TSPAN5: variants seen among roughly 807,000 people sequenced by gnomAD.
TSPAN5 encodes the protein tetraspanin-5.
In TSPAN5, 10 loss-of-function variants were observed where a neutral mutation model predicts 37.1. That is an observed-to-expected ratio of 0.27 (90% CI 0.17 to 0.46). TSPAN5 has a LOEUF of 0.46. Among genes scored for constraint, TSPAN5 ranks in the 20% least tolerant of loss-of-function variants. The probability of loss-of-function intolerance (pLI) is 1.00; values close to 1 mark genes in which losing one functional copy is unlikely to be tolerated. For synonymous variants in TSPAN5, 110 were observed against 118.9 expected, an observed-to-expected ratio of 0.93 and a Z score of 0.48; for missense variants, 195 against 326.6, an observed-to-expected ratio of 0.60 and a Z score of 3.11.
chr4:98,484,516 C>G, intron 3 of TSPAN5: 1 of 456,108 alleles, frequency 2.2e-6, no homozygotes, highest in Admixed American at 2.4e-5. Flanking sequence ...TCTTCATTTC[C>G]AACATGAGAC....
chr4:98,649,856 T>C (rs915405780), intron 1 of TSPAN5, among the ~76,000 whole-genome samples: 11 of 152,152 alleles, frequency 7.2e-5, no homozygotes, highest in African/African-American at 2.7e-4. Flanking sequence ...GCTGCATTAA[T>C]AGAGGTGTGT....
rs566229419 is a variant in TSPAN5 at position 98,655,781 on chromosome 4, C to G, written c.81+2365G>C. ...GCTTTTCAGTCACTAACATCTTAGTCTGAATTACTTTAACCAAAACCATAT... is the reference window on the plus strand; with the variant it reads ...GCTTTTCAGTCACTAACATCTTAGTGTGAATTACTTTAACCAAAACCATAT... On this transcript the variant is annotated intron_variant, in intron 1 of 7. Coordinates refer to ENST00000305798, the MANE Select transcript of TSPAN5 (RefSeq NM_005723.4). Among the ~76,000 whole-genome samples the G allele has an allele frequency of 2.6e-5, 4 of 152,308 alleles. No homozygotes were observed. The South Asian group carries it at 8.3e-4, about 32-fold the overall frequency.
In TSPAN5 at chr4:98,478,732, G is replaced by C; in HGVS notation, c.529C>G (p.Arg177Gly). 1 of 1,614,066 alleles carries C rather than the reference G, an allele frequency of 6.2e-7. No individual in the cohort carries two copies. The highest frequency in any genetic ancestry group is 8.5e-7 in the Non-Finnish European group (1 of 1,180,024). The part of the protein sequence containing the change: ...YFNCTDSNAS[R>G]ERCGVPFSCC... ...GAGAATGGAACGCCACATCGCTCTC[G>C]ACTTGCATTGGAATCTGTGCAATTG... Residue 177 changes from arginine (R) to glycine (G), a missense_variant, in exon 5 of 8, where the codon CGA becomes GGA. Arg to Gly is a moderately radical substitution (Grantham distance 125, BLOSUM62 -2). Transcript: ENST00000305798.
At chr4:98,516,184 G>C (rs964811900) in intron 1 of TSPAN5, among the ~76,000 whole-genome samples, 3 of 152,150 alleles carry the variant, frequency 2.0e-5, no homozygotes, top group Admixed American at 2.0e-4. Flanking sequence ...GCTCCTGTAC[G>C]CATATTTGTG....
At chr4:98,625,914 C>T (rs190909173) in intron 1 of TSPAN5, among the ~76,000 whole-genome samples, 2 of 152,180 alleles carry the variant, frequency 1.3e-5, no homozygotes, top group East Asian at 1.9e-4. Flanking sequence ...TATACTACCA[C>T]ATATTTTTAA....
chr4:98,487,920 G>A (rs2110265837), intron 2 of TSPAN5, among the ~76,000 whole-genome samples: 1 of 152,040 alleles, frequency 6.6e-6, no homozygotes, highest in South Asian at 2.1e-4. Flanking sequence ...TTGAAACTGT[G>A]GATGTGCATG....
chr4:98,537,288 ACCCT>A (rs1754258366), intron 1 of TSPAN5, among the ~76,000 whole-genome samples: 1 of 151,924 alleles, frequency 6.6e-6, no homozygotes, highest in African/African-American at 2.4e-5. Flanking sequence ...GTGACGCCCC[ACCCT>A]GCTTCGGCTT....
rs775941848 is a variant in TSPAN5 at position 98,476,478 on chromosome 4, G to A, written c.577-18C>T. 6.2e-7 allele frequency: 1 copy of A among 1,613,858 alleles called. No homozygotes were observed. Among genetic ancestry groups the A allele is most frequent in the South Asian group, 1.1e-5 (1 of 91,012 alleles). Reference sequence around the variant, plus strand: ...ACATCTTCCTGGTGAAGAAAGGAAAGAGAAAAGTGAAATTTACTCATTAGA... The same window carrying A: ...ACATCTTCCTGGTGAAGAAAGGAAAAAGAAAAGTGAAATTTACTCATTAGA... On this transcript the variant is annotated intron_variant, in intron 5 of 7. Transcript: ENST00000305798.
At chr4:98,495,531 CAAAAAAA>C (rs10555303) in intron 2 of TSPAN5, among the ~76,000 whole-genome samples, 4 of 130,930 alleles carry the variant, frequency 3.1e-5, no homozygotes, top group Non-Finnish European at 3.3e-5. Context: ...GCCTCCGTCT[CAAAAAAA>C]AAAAAAAAAA....
At chr4:98,606,897 T>C (rs541312694) in intron 1 of TSPAN5, among the ~76,000 whole-genome samples, 5 of 152,284 alleles carry the variant, frequency 3.3e-5, no homozygotes, top group South Asian at 2.1e-4. Context: ...AAGTAAATTA[T>C]GTGCAAGAAG....
At chr4:98,641,511 G>A (rs996291653) in intron 1 of TSPAN5, among the ~76,000 whole-genome samples, 6 of 151,526 alleles carry the variant, frequency 4.0e-5, no homozygotes, top group Admixed American at 2.6e-4. Flanking sequence ...AAGCATGAGA[G>A]TAATGCATAA....
intron 2 of TSPAN5, among the ~76,000 whole-genome samples, chr4:98,487,238 G>GA (rs11318498): frequency 5.6e-4 from 73 of 130,382 alleles, no homozygotes; most frequent in Middle Eastern, 8.2e-3. Context: ...TATATGTAGA[G>GA]AAAAAAAAAA....
chr4:98,574,645 T>C (rs1046539334), intron 1 of TSPAN5: 2 of 152,262 alleles, frequency 1.3e-5, no homozygotes, highest in Non-Finnish European at 2.9e-5. Flanking sequence ...AGACCTGGCT[T>C]CCCATCCCGG....
chr4:98,623,502 AAATT>A (rs1756527863), intron 1 of TSPAN5, among the ~76,000 whole-genome samples: 1 of 152,220 alleles, frequency 6.6e-6, no homozygotes, highest in Non-Finnish European at 1.5e-5. Context: ...ATTATAGCTT[AAATT>A]ATTTTGTTCC....
chr4:98,533,303 T>C (rs1160679814), intron 1 of TSPAN5, among the ~76,000 whole-genome samples: 4 of 152,092 alleles, frequency 2.6e-5, no homozygotes, highest in African/African-American at 7.2e-5. Flanking sequence ...AATTCGGCTG[T>C]GAATCCATCT....
At chr4:98,610,731 C>G (rs1337745237) in intron 1 of TSPAN5, among the ~76,000 whole-genome samples, 1 of 152,154 alleles carries the variant, frequency 6.6e-6, no homozygotes, top group Non-Finnish European at 1.5e-5. Flanking sequence ...GGTGCCCCTT[C>G]ATTATACATC....
At chr4:98,608,830 C>A (rs1756104867) in intron 1 of TSPAN5, among the ~76,000 whole-genome samples, 3 of 152,088 alleles carry the variant, frequency 2.0e-5, no homozygotes, top group Non-Finnish European at 2.9e-5. Flanking sequence ...CCACTAAGTC[C>A]ACAACCTTAT....
At chr4:98,487,728 A>C (rs566485655) in intron 2 of TSPAN5, among the ~76,000 whole-genome samples, 98 of 152,198 alleles carry the variant, frequency 6.4e-4, no homozygotes, top group African/African-American at 2.3e-3. Context: ...AATTTAAATG[A>C]TTTACAAATC....
At chr4:98,546,091 G>A (rs148537442) in intron 1 of TSPAN5, among the ~76,000 whole-genome samples, 8 of 151,990 alleles carry the variant, frequency 5.3e-5, no homozygotes, top group East Asian at 1.9e-4. Context: ...ACAATGTTTC[G>A]CTATAAGTAT....
Sources: allele counts gnomAD v4.1 joint callset (sites outside exome capture counted in the v4.1 genomes callset), GRCh38; gene constraint gnomAD v4.1.1; transcripts MANE v1.5; gene names NCBI Gene and HGNC (gene_info 2026-07-23, HGNC 2026-07-21).